Variants in COL16A1 observed in about 807,000 individuals in gnomAD.
The protein encoded by COL16A1 is collagen alpha-1(XVI) chain.
Under a neutral mutation model 266.3 loss-of-function variants are expected in COL16A1, and 189 were observed. That is an observed-to-expected ratio of 0.71 (90% CI 0.63 to 0.80). The LOEUF (loss-of-function observed/expected upper bound fraction) is 0.80. COL16A1 is among the 30% of genes least tolerant of loss of function. COL16A1 has a pLI of 0.00. For synonymous variants in COL16A1, 740 were observed against 782.3 expected (o/e 0.95, Z 0.90); for missense variants, 1,928 against 2,122.4 (o/e 0.91, Z 1.80).
chr1:31,680,915 C>T lies in COL16A1; in HGVS notation c.2600G>A (p.Arg867Gln), dbSNP rs528407056. ...GCCCTTGGAACTCACCTTCTCTCCT[C>T]GTGGTCCTTTTTCACCCTGCAGGGA... ...LRGTPGEKGP[R>Q]GEKGEPGECS... Residue 867 changes from arginine (R) to glutamine (Q), a missense_variant, in exon 39 of 71, where the codon CGA (arginine) becomes CAA (glutamine). By Grantham distance (43) the Arg-to-Gln change is conservative. Coordinates refer to ENST00000373672, the MANE Select transcript of COL16A1 (RefSeq NM_001856.4). 12 of 1,614,150 alleles carry T rather than the reference C, an allele frequency of 7.4e-6. No individual in the cohort carries two copies. The highest frequency in any genetic ancestry group is 4.4e-5 in the South Asian group (4 of 91,062).
chr1:31,700,865 G>A (rs1393716732), intron 2 of COL16A1, among the ~76,000 whole-genome samples: 1 of 152,214 alleles, frequency 6.6e-6, no homozygotes, highest in Non-Finnish European at 1.5e-5. Flanking sequence ...GCATATTAAT[G>A]GGTTAGGGCT....
At chr1:31,680,262 G>A (rs796243324) in intron 39 of COL16A1, among the ~76,000 whole-genome samples, 161 bp from the exon 40 acceptor site, 5 of 152,280 alleles carry the variant, frequency 3.3e-5, no homozygotes, top group African/African-American at 1.2e-4. Flanking sequence ...CAAACTCTCT[G>A]CACCTCAGCC....
Position 31,697,267 on chromosome 1 carries a change from G to A in COL16A1, c.691C>T (p.Pro231Ser), listed in dbSNP as rs1192751508. Residue 231 changes from proline (P) to serine (S), a missense_variant, in exon 7 of 71, where the codon CCG becomes TCG. Physicochemically the swap from Pro to Ser is moderately conservative, Grantham distance 74. Transcript: ENST00000373672. This position sits in a 1 kb window ranked among gnomAD's most constrained non-coding sequence, Gnocchi z 4.2. ...CAGCCCTCCTCCAGCACGAGCTCCG[G>A]GTCACAGTAGATGTGCACCTGCTGA... Reference protein sequence around the residue: ...DLQQVHIYCDPELVLEEGCCE... With the variant: ...DLQQVHIYCDSELVLEEGCCE... 6.2e-7 allele frequency: 1 copy of A among 1,612,202 alleles called. No individual in the cohort carries two copies. The highest frequency in any genetic ancestry group is 8.5e-7 in the Non-Finnish European group (1 of 1,179,190).
Position 31,693,101 on chromosome 1 carries a change from C to T in COL16A1, c.1062G>A (p.Lys354=). ...GGGCTGGGACACTTACCCGTGCTCC[C>T]TTCTCTCCCTTGGAGCCTGGTGGAC... The part of the protein sequence containing the change: ...LPGPPGSKGE[K]GARGNDCVRI... The change falls in exon 13 of 71, where the codon AAG becomes AAA. Residue 354 remains lysine, a synonymous_variant. Transcript: ENST00000373672. The T allele has an allele frequency of 1.9e-6, 3 of 1,609,290 alleles. No individual in the cohort carries two copies. Among genetic ancestry groups the T allele is most frequent in the Non-Finnish European group, 2.6e-6 (3 of 1,175,988 alleles).
intron 17 of COL16A1, 102 bp from the exon 18 acceptor site, chr1:31,691,744 C>T (rs1644280669): frequency 7.0e-7 from 1 of 1,436,924 alleles, no homozygotes; most frequent in Non-Finnish European, 9.4e-7. Flanking sequence ...CCTGCCCCTC[C>T]CCCAAACCAG....
chr1:31,695,877 G>T (rs1570586074), intron 9 of COL16A1, 90 bp from the exon 10 acceptor site: 2 of 1,249,540 alleles, frequency 1.6e-6, no homozygotes, highest in East Asian at 2.3e-5. Flanking sequence ...ACCAACAGGA[G>T]TGGGCACTCT....
At position 31,652,889 on chromosome 1, in the gene COL16A1, G is replaced by T; in HGVS notation, c.4613-36C>A. 6.9e-7 allele frequency: 1 copy of T among 1,443,450 alleles called. No homozygotes were observed. The allele number at this position is 1,443,450 out of a possible 1,614,324, so 89.4% of individuals were successfully genotyped here. A position where few individuals can be genotyped will look rare whatever the true frequency, so the allele number is the denominator to read the frequency against. On this transcript the variant is annotated intron_variant, in intron 70 of 70. Coordinates refer to ENST00000373672, the MANE Select transcript of COL16A1 (RefSeq NM_001856.4). The surrounding 1 kb of genome is among the most constrained non-coding windows in gnomAD (Gnocchi z 4.8). ...AAGGGCCACAGAGGGAAAATCAGAA[G>T]ACCCAGATCATAAGGGAAAAGAAGC... is the stretch of plus-strand genomic sequence containing the variant.
Position 31,670,720 on chromosome 1 carries a change from G to T in COL16A1, c.3151-74C>A. The T allele has an allele frequency of 7.8e-7, 1 of 1,284,176 alleles. No homozygotes were observed. Among genetic ancestry groups the T allele is most frequent in the Non-Finnish European group, 1.0e-6 (1 of 975,264 alleles). The allele number at this position is 1,284,176 out of a possible 1,614,324, so 79.5% of individuals were successfully genotyped here. ...GGACAGCCTGGAGGGCACAGTCTGG[G>T]GCTTGGGGGTCATGGGGAGAGGAGG... On this transcript the variant is annotated intron_variant, in intron 48 of 70. Coordinates refer to ENST00000373672, the MANE Select transcript of COL16A1 (RefSeq NM_001856.4). This position sits in a 1 kb window ranked among gnomAD's most constrained non-coding sequence, Gnocchi z 4.5.
chr1:31,692,539 G>A, intron 15 of COL16A1, 30 bp from the exon 16 acceptor site: 1 of 1,614,080 alleles, frequency 6.2e-7, no homozygotes, highest in Non-Finnish European at 8.5e-7. Flanking sequence ...CAGAGGAAGG[G>A]AGGGTAAGGC....
At chr1:31,686,432 G>A in intron 26 of COL16A1, 153 bp from the exon 27 acceptor site, 1 of 1,091,658 alleles carries the variant, frequency 9.2e-7, no homozygotes. Flanking sequence ...AGGTCCCCAA[G>A]GGAGTCTGTA....
intron 1 of COL16A1, among the ~76,000 whole-genome samples, chr1:31,703,462 C>T (rs755565618): frequency 1.3e-5 from 2 of 152,176 alleles, no homozygotes; most frequent in Non-Finnish European, 2.9e-5. Flanking sequence ...CTATCCTGGT[C>T]TTCCTCCTGC....
At position 31,670,645 on chromosome 1, in the gene COL16A1, C is replaced by G. The variant is rs1290303535; in HGVS notation, c.3152G>C (p.Gly1051Ala). 7 of 1,431,002 alleles carry G rather than the reference C, an allele frequency of 4.9e-6. No individual in the cohort carries two copies. The highest frequency in any genetic ancestry group is 5.5e-6 in the Non-Finnish European group (6 of 1,097,224). The allele number at this position is 1,431,002 out of a possible 1,614,324, so 88.6% of individuals were successfully genotyped here. A position where few individuals can be genotyped will look rare whatever the true frequency, so the allele number is the denominator to read the frequency against. ...AACAGCACCAGGAAAACCTGGGGGG[C>G]CCTGGTGGGAGAAACAGGCAGGTCA... ...RGSPGPPGPI[G>A]PPGFPGAVGS... The change falls in exon 49 of 71, where the codon GGC (glycine) becomes GCC (alanine). Residue 1051 changes from glycine (G) to alanine (A), a missense_variant and splice_region_variant. Physicochemically the swap from Gly to Ala is moderately conservative, Grantham distance 60. Transcript: ENST00000373672. This position sits in a 1 kb window ranked among gnomAD's most constrained non-coding sequence, Gnocchi z 4.5.
Position 31,689,798 on chromosome 1 carries a change from A to C in COL16A1, c.1563T>G (p.Val521=). The C allele has an allele frequency of 6.2e-7, 1 of 1,614,136 alleles. No individual in the cohort carries two copies. Among genetic ancestry groups the C allele is most frequent in the Non-Finnish European group, 8.5e-7 (1 of 1,180,008 alleles). The change falls in exon 23 of 71, where the codon GTT becomes GTG. Residue 521 remains valine, a synonymous_variant. Transcript: ENST00000373672. Reference sequence around the variant, plus strand: ...TGGGCCCTGGCTTTCCAGGAAGTCCAACAAAGTTCTGGAACCCTTCAGGCA... The same window carrying C: ...TGGGCCCTGGCTTTCCAGGAAGTCCCACAAAGTTCTGGAACCCTTCAGGCA... The part of the protein sequence containing the change: ...PTLPEGFQNF[V]GLPGKPGPKG...
intron 9 of COL16A1, 36 bp from the exon 10 acceptor site, chr1:31,695,823 G>A (rs777330772): frequency 6.3e-7 from 1 of 1,596,356 alleles, no homozygotes; most frequent in South Asian, 1.1e-5. Context: ...AATGGGCAGG[G>A]AGCTCAGGGG....
At position 31,697,039 on chromosome 1, in the gene COL16A1, AG is replaced by A; in HGVS notation, c.787del (p.Leu263SerfsTer31). 1 of 1,614,002 alleles carries A rather than the reference AG, an allele frequency of 6.2e-7. No individual in the cohort carries two copies. Among genetic ancestry groups the A allele is most frequent in the South Asian group, 1.1e-5 (1 of 91,072 alleles). On this transcript the variant is annotated frameshift_variant, in exon 8 of 71. Coordinates refer to ENST00000373672, the MANE Select transcript of COL16A1 (RefSeq NM_001856.4). LOFTEE classifies it high-confidence loss of function. This position sits in a 1 kb window ranked among gnomAD's most constrained non-coding sequence, Gnocchi z 4.2. ...TTCAGACTGTGGATTGATCTCAATG[AG>A]CTCATTGCTCTGGGTGTCCCGGCGG... The part of the protein sequence containing the change: ...KARRDTQSNE[L>X]IEINPQSEGK...
Position 31,679,626 on chromosome 1 carries a change from C to T in COL16A1, c.2772+6G>A. 1 of 1,614,262 alleles carries T rather than the reference C, an allele frequency of 6.2e-7. No individual in the cohort carries two copies. Among genetic ancestry groups the T allele is most frequent in the Non-Finnish European group, 8.5e-7 (1 of 1,180,050 alleles). On this transcript the variant is annotated splice_donor_region_variant and intron_variant, in intron 42 of 70. Transcript: ENST00000373672. ...CCAAGCTCCTCATTCTCTTCTCCCC[C>T]TTTACCTGCAGCCCAGGTACTCCAG...
At chr1:31,690,087 G>A in intron 22 of COL16A1, 1 of 620,318 alleles carries the variant, frequency 1.6e-6, no homozygotes. Flanking sequence ...AAACATGACT[G>A]TGCCCCACTG....
In COL16A1 at chr1:31,672,730, G is replaced by A. The variant is rs546216962; in HGVS notation, c.2970C>T (p.Cys990=). The change falls in exon 45 of 71, where the codon TGC becomes TGT. Residue 990 remains cysteine, a synonymous_variant. Transcript: ENST00000373672. ...CCCAAGCCCAGTCCCTTACCTGGGC[G>A]CAGTTGTCGAGGCCTGGCACACCAG... ...GIPGVPGLDN[C]AQCFLSLERP... The A allele has an allele frequency of 5.6e-5, 90 of 1,613,986 alleles. No individual in the cohort carries two copies. In the South Asian group the frequency reaches 6.9e-4, roughly 12 times the overall value.
At position 31,657,217 on chromosome 1, in the gene COL16A1, G is replaced by T; in HGVS notation, c.4021-149C>A. The stretch of plus-strand genomic sequence containing the variant: ...TCACCCTCTGACAATCTGGGCACAG[G>T]CCGTGGAAACTTAGACCCCCACCCC... On this transcript the variant is annotated intron_variant, in intron 64 of 70. Transcript: ENST00000373672. This position sits in a 1 kb window ranked among gnomAD's most constrained non-coding sequence, Gnocchi z 6.4. 1.0e-6 allele frequency: 1 copy of T among 986,728 alleles called. No homozygotes were observed. The highest frequency in any genetic ancestry group is 1.6e-6 in the Non-Finnish European group (1 of 644,268). 61.1% of individuals were successfully genotyped at this position (986,728 alleles called of 1,614,324 possible).
Sources: gnomAD v4.1 joint callset for allele counts (sites outside exome capture counted in the v4.1 genomes callset) on GRCh38, gnomAD v4.1.1 for gene constraint, Gnocchi (gnomAD v3.1) non-coding constraint, MANE v1.5 for transcripts, NCBI Gene and HGNC (gene_info 2026-07-23, HGNC 2026-07-21) for gene names.